Variants in MIR2052HG observed in about 807,000 individuals in gnomAD.
MIR2052HG encodes the protein MIR2052 host gene.
intron 2 of MIR2052HG, among the ~76,000 whole-genome samples, chr8:74,675,956 C>A (rs1383892707): frequency 6.6e-6 from 1 of 151,886 alleles, no homozygotes; most frequent in African/African-American, 2.4e-5. Context: ...ATCATCATAT[C>A]CTTGACTAAA....
intron 2 of MIR2052HG, among the ~76,000 whole-genome samples, chr8:74,627,112 A>G (rs1220341661): frequency 6.6e-6 from 1 of 152,208 alleles, no homozygotes; most frequent in African/African-American, 2.4e-5. Flanking sequence ...TTCAGAGCTC[A>G]GAACATAGGC....
chr8:74,744,904 T>C (rs1307368894), intron 4 of MIR2052HG, among the ~76,000 whole-genome samples: 1 of 152,182 alleles, frequency 6.6e-6, no homozygotes, highest in Non-Finnish European at 1.5e-5. Flanking sequence ...CTGTGTCTAA[T>C]AGAAATGTTT....
intron 2 of MIR2052HG, among the ~76,000 whole-genome samples, chr8:74,662,704 G>A (rs150379624): frequency 1.3e-5 from 2 of 152,024 alleles, no homozygotes; most frequent in Non-Finnish European, 2.9e-5. Context: ...CACTTATAGG[G>A]TGGAAAACAC....
At chr8:74,624,665 G>A (rs1383771367) in intron 2 of MIR2052HG, among the ~76,000 whole-genome samples, 1 of 152,120 alleles carries the variant, frequency 6.6e-6, no homozygotes. Flanking sequence ...CTGAAATTTC[G>A]ATTTTTAGAG....
At chr8:74,613,744 C>T (rs1274986079) in intron 2 of MIR2052HG, among the ~76,000 whole-genome samples, 3 of 152,218 alleles carry the variant, frequency 2.0e-5, no homozygotes, top group Admixed American at 2.0e-4. Flanking sequence ...GACTCCGCCT[C>T]CCAAAGTGCT....
intron 4 of MIR2052HG, among the ~76,000 whole-genome samples, chr8:74,744,861 G>T (rs1301366994): frequency 6.6e-6 from 1 of 152,186 alleles, no homozygotes; most frequent in Non-Finnish European, 1.5e-5. Context: ...AAGCAAAAGT[G>T]AAGTGAGAAG....
rs141305424 is a variant in MIR2052HG, at chr8:74,723,174, C to T, written n.371+19492C>T. Among the ~76,000 whole-genome samples the T allele has an allele frequency of 2.7e-3, 404 of 152,336 alleles. 1 individual carries two copies. Among genetic ancestry groups the T allele is most frequent in the Non-Finnish European group, 3.6e-3 (242 of 68,036 alleles). ...TCCAAATATTTGACAATAATTATCA[C>T]TCTGGAATCTCACATTCTTTCATCC... On this transcript the variant is annotated intron_variant and non_coding_transcript_variant, in intron 4 of 6. Transcript: ENST00000523442.
intron 2 of MIR2052HG, among the ~76,000 whole-genome samples, chr8:74,627,898 G>C (rs931703458): frequency 1.3e-5 from 2 of 152,184 alleles, no homozygotes; most frequent in Non-Finnish European, 2.9e-5. Flanking sequence ...AGGATCTAAA[G>C]GGCCTTTAAG....
At chr8:74,744,855 A>G (rs1809867940) in intron 4 of MIR2052HG, among the ~76,000 whole-genome samples, 1 of 152,214 alleles carries the variant, frequency 6.6e-6, no homozygotes, top group Admixed American at 6.6e-5. Flanking sequence ...TCTAACAAGC[A>G]AAAGTGAAGT....
intron 2 of MIR2052HG, among the ~76,000 whole-genome samples, chr8:74,693,614 G>GC: frequency 6.6e-6 from 1 of 150,850 alleles, no homozygotes; most frequent in African/African-American, 2.4e-5. Flanking sequence ...CGGGGGCGGG[G>GC]GGGGAGGGGT....
chr8:74,655,415 C>T (rs577337938), intron 2 of MIR2052HG, among the ~76,000 whole-genome samples: 1 of 152,244 alleles, frequency 6.6e-6, no homozygotes, highest in Admixed American at 6.5e-5. Flanking sequence ...GGACCTGGCC[C>T]AGGGTCCCCA....
Position 74,672,265 on chromosome 8 carries a change from T to C in MIR2052HG, n.217-30114T>C, listed in dbSNP as rs955797307. On this transcript the variant is annotated intron_variant and non_coding_transcript_variant, in intron 2 of 6. Transcript: ENST00000523442. Reference sequence around the variant, plus strand: ...ATATCTGGGTTTTGCAGGCCTAGCATCCGTTGAATCTAAATAATACACAGC... The same window carrying C: ...ATATCTGGGTTTTGCAGGCCTAGCACCCGTTGAATCTAAATAATACACAGC... Among the ~76,000 whole-genome samples, 3 of 152,146 alleles carry C rather than the reference T, an allele frequency of 2.0e-5. 1 individual carries two copies. The highest frequency in any genetic ancestry group is 2.0e-4 in the Admixed American group (3 of 15,232).
At chr8:74,731,830 G>A (rs1191730413) in intron 4 of MIR2052HG, among the ~76,000 whole-genome samples, 2 of 151,996 alleles carry the variant, frequency 1.3e-5, no homozygotes, top group Non-Finnish European at 2.9e-5. Flanking sequence ...GTAACTCTGG[G>A]CATACTCCAC....
intron 4 of MIR2052HG, among the ~76,000 whole-genome samples, chr8:74,732,366 T>C (rs1809701298): frequency 1.3e-5 from 2 of 152,292 alleles, no homozygotes; most frequent in Middle Eastern, 3.4e-3. Flanking sequence ...CCAATCCCCA[T>C]GGATACCAAG....
chr8:74,719,076 C>CTTTTT (rs56242876), intron 4 of MIR2052HG, among the ~76,000 whole-genome samples: 1 of 144,440 alleles, frequency 6.9e-6, no homozygotes. Flanking sequence ...CCGTGTACAT[C>CTTTTT]TTTTTTTTTT....
chr8:74,676,483 T>C (rs1265049219), intron 2 of MIR2052HG, among the ~76,000 whole-genome samples: 2 of 151,456 alleles, frequency 1.3e-5, no homozygotes, highest in African/African-American at 4.8e-5. Context: ...GTAGAGGATA[T>C]AACTTCCAAA....
intron 2 of MIR2052HG, among the ~76,000 whole-genome samples, chr8:74,620,344 C>A (rs1201874931): frequency 6.6e-6 from 1 of 152,206 alleles, no homozygotes; most frequent in African/African-American, 2.4e-5. Flanking sequence ...TTTCTCATAG[C>A]TCCTCTAGGC....
intron 2 of MIR2052HG, among the ~76,000 whole-genome samples, chr8:74,619,472 G>C (rs930630970): frequency 2.6e-5 from 4 of 152,184 alleles, no homozygotes; most frequent in Non-Finnish European, 5.9e-5. Context: ...AAATATCTGA[G>C]TAATTTATAA....
chr8:74,601,631 A>G (rs1808002223), intron 1 of MIR2052HG, among the ~76,000 whole-genome samples: 2 of 152,214 alleles, frequency 1.3e-5, no homozygotes, highest in Non-Finnish European at 2.9e-5. Flanking sequence ...TAATATGTGT[A>G]CAAAACCTTT....
Sources: gnomAD v4.1 joint callset for allele counts (sites outside exome capture counted in the v4.1 genomes callset) on GRCh38, gnomAD v4.1.1 for gene constraint, MANE v1.5 for transcripts, NCBI Gene and HGNC (gene_info 2026-07-23, HGNC 2026-07-21) for gene names.